ZNF732: variants seen among roughly 807,000 people sequenced by gnomAD.
ZNF732 encodes zinc finger protein 732, also known as zinc finger protein LOC654254.
In ZNF732, 12 loss-of-function variants were observed where a neutral mutation model predicts 11.5. The ratio of observed to expected loss-of-function variants is 1.05; its 90% CI spans 0.67 to 1.70. The LOEUF is 1.70. Ranked by LOEUF, ZNF732 falls within the 40% of genes most tolerant of loss-of-function variation. The probability of loss-of-function intolerance (pLI) is 0.00; values close to 1 mark genes in which losing one functional copy is unlikely to be tolerated. For missense variants in ZNF732, 702 were observed against 676.9 expected, an observed-to-expected ratio of 1.04 and a Z score of -0.41; for synonymous variants, 231 against 236.5, an observed-to-expected ratio of 0.98 and a Z score of 0.21.
chr4:287,663 G>C (rs1160705216), intron 3 of ZNF732, among the ~76,000 whole-genome samples: 1 of 150,472 alleles, frequency 6.6e-6, no homozygotes, highest in Non-Finnish European at 1.5e-5. Context: ...TTTTTTTTGA[G>C]ATGGAGTCTC....
At chr4:287,179 G>T (rs1410008171) in intron 3 of ZNF732, among the ~76,000 whole-genome samples, 1 of 151,498 alleles carries the variant, frequency 6.6e-6, no homozygotes, top group East Asian at 1.9e-4. Context: ...AAAAGCAGAA[G>T]CAAAATTGCC....
At position 291,010 on chromosome 4, in the gene ZNF732, T is replaced by C. The variant is rs144561548; in HGVS notation, c.226+4428A>G. Among the ~76,000 whole-genome samples the C allele has an allele frequency of 2.3e-3, 349 of 152,330 alleles. 3 individuals are homozygous for C. The highest frequency in any genetic ancestry group is 8.0e-3 in the African/African-American group (333 of 41,578). ...CAGCTGAGGCCCAGATCTACAAGCA[T>C]GCTTCCAGGACCACAGCTTCTATCT... On this transcript the variant is annotated intron_variant, in intron 3 of 3. Transcript: ENST00000419098.
Position 295,514 on chromosome 4 carries a change from TG to T in ZNF732, c.149del (p.Pro50GlnfsTer16), listed in dbSNP as rs1560163573. On this transcript the variant is annotated frameshift_variant, in exon 3 of 4. Coordinates refer to ENST00000419098, the MANE Select transcript of ZNF732 (RefSeq NM_001137608.3). LOFTEE classifies it high-confidence loss of function. ...TTTGCTCCAGATAGATGACCAGGTC[TG>T]GGTTAGAGATAGCAACACCTGTTTA... ...LISLGVAISN[P>X]DLVIYLEQRK... is the part of the protein sequence containing the mutation. The T allele has an allele frequency of 6.2e-7, 1 of 1,612,770 alleles. No individual in the cohort carries two copies. The highest frequency in any genetic ancestry group is 2.2e-5 in the East Asian group (1 of 44,858).
In ZNF732 at chr4:296,011, T is replaced by A; in HGVS notation, c.130+18A>T. 6.2e-7 allele frequency: 1 copy of A among 1,607,080 alleles called. No homozygotes were observed. Among genetic ancestry groups the A allele is most frequent in the Non-Finnish European group, 8.5e-7 (1 of 1,178,448 alleles). On this transcript the variant is annotated intron_variant, in intron 2 of 3. Coordinates refer to ENST00000419098, the MANE Select transcript of ZNF732 (RefSeq NM_001137608.3). ...CCCTGAGGGAGTATTAGGAATTATT[T>A]ACTGAAGTTATCCTCACCCAGGGAG...
chr4:287,415 A>G (rs1187508565), intron 3 of ZNF732, among the ~76,000 whole-genome samples: 3 of 151,472 alleles, frequency 2.0e-5, no homozygotes, highest in Admixed American at 6.6e-5. Context: ...GGGTTTCGCC[A>G]TGTTGGCCAG....
At chr4:299,310 C>T (rs1560164883) in intron 1 of ZNF732, among the ~76,000 whole-genome samples, 2 of 146,312 alleles carry the variant, frequency 1.4e-5, no homozygotes, top group African/African-American at 5.1e-5. Flanking sequence ...TAAAGGTGCC[C>T]TGAATATACG....
chr4:284,597 G>C (rs1719688243), intron 3 of ZNF732, among the ~76,000 whole-genome samples: 1 of 151,978 alleles, frequency 6.6e-6, no homozygotes, highest in African/African-American at 2.4e-5. Context: ...CAAATACTGG[G>C]TGCAGTGGCT....
intron 3 of ZNF732, among the ~76,000 whole-genome samples, chr4:289,569 A>G (rs151204434): frequency 0.013 from 1,975 of 152,372 alleles, 23 homozygotes; most frequent in Middle Eastern, 0.061. Context: ...TTCATAAAGC[A>G]AGCTTATTGT....
chr4:305,321 C>A lies in ZNF732; in HGVS notation c.-11G>T, dbSNP rs572151901. On this transcript the variant is annotated 5_prime_UTR_variant, in exon 1 of 4. Transcript: ENST00000419098. The stretch of plus-strand genomic sequence containing the variant: ...CCCCACACTCACCATTTCCCCACTT[C>A]AGGGGTGTAGCGGAGTCTCAGCTAC... The A allele has an allele frequency of 1.4e-5, 22 of 1,608,006 alleles. No individual in the cohort carries two copies. In the South Asian group the frequency reaches 1.4e-4, roughly 10 times the overall value.
At chr4:298,957 C>A (rs575690349) in intron 1 of ZNF732, among the ~76,000 whole-genome samples, 1 of 152,296 alleles carries the variant, frequency 6.6e-6, no homozygotes, top group Non-Finnish European at 1.5e-5. Flanking sequence ...TATCAGGTCA[C>A]TGGACAAGAT....
rs75049882 is a variant in ZNF732, at chr4:300,007, G to A, written c.4-3852C>T. On this transcript the variant is annotated intron_variant, in intron 1 of 3. Transcript: ENST00000419098. ...GCGTGAGCCACCATGCCCAGCTGAC[G>A]AGTATATTTTTAAAGGCAAAAAGGG... 7.3e-5 allele frequency among the ~76,000 whole-genome samples: 11 copies of A among 150,734 alleles called. No individual in the cohort carries two copies. The South Asian group carries it at 1.7e-3, about 23-fold the overall frequency.
At chr4:273,192 G>C (rs1719424685) in intron 3 of ZNF732, among the ~76,000 whole-genome samples, 1 of 152,006 alleles carries the variant, frequency 6.6e-6, no homozygotes, top group Admixed American at 6.6e-5. Flanking sequence ...AGACTCTTAA[G>C]AGGAAACATG....
intron 3 of ZNF732, among the ~76,000 whole-genome samples, chr4:294,338 C>A (rs1160454154): frequency 6.6e-6 from 1 of 152,174 alleles, no homozygotes. Flanking sequence ...TGCTTCACTT[C>A]GTTTCCAAGA....
At position 304,738 on chromosome 4, in the gene ZNF732, G is replaced by A. The variant is rs960283941; in HGVS notation, c.3+570C>T. On this transcript the variant is annotated intron_variant, in intron 1 of 3. Transcript: ENST00000419098. ...CCCACACCAGCGTATTCTAAAAGAT[G>A]CCACTCAGGAACAGCCACGCGGAGG... 5.9e-5 allele frequency among the ~76,000 whole-genome samples: 9 copies of A among 152,218 alleles called. No individual in the cohort carries two copies. The East Asian group carries it at 1.7e-3, about 29-fold the overall frequency.
At position 296,280 on chromosome 4, in the gene ZNF732, A is replaced by G. The variant is rs782452390; in HGVS notation, c.4-125T>C. 3.1e-6 allele frequency: 4 copies of G among 1,309,796 alleles called. No individual in the cohort carries two copies. The Admixed American group carries it at 1.1e-4, about 36-fold the overall frequency. 81.1% of individuals were successfully genotyped at this position (1,309,796 alleles called of 1,614,324 possible). A position where few individuals can be genotyped will look rare whatever the true frequency, so the allele number is the denominator to read the frequency against. ...TGATAAAATAACTTTCAACACAGTA[A>G]TGTTCTCTAAAGTATTCTATAGCTC... On this transcript the variant is annotated intron_variant, in intron 1 of 3. Transcript: ENST00000419098.
At chr4:301,556 G>A (rs374235749) in intron 1 of ZNF732, among the ~76,000 whole-genome samples, 18 of 152,202 alleles carry the variant, frequency 1.2e-4, no homozygotes, top group South Asian at 2.1e-4. Context: ...TGATGAGTTC[G>A]TGTCCTTTGT....
chr4:278,107 G>T (rs1553839043), intron 3 of ZNF732, among the ~76,000 whole-genome samples: 1 of 152,084 alleles, frequency 6.6e-6, no homozygotes, highest in African/African-American at 2.4e-5. Flanking sequence ...TACGTTAAGT[G>T]AAATAAAAGA....
rs190986044 is a variant in ZNF732, at chr4:298,106, A to G, written c.4-1951T>C. Among the ~76,000 whole-genome samples the G allele has an allele frequency of 3.3e-4, 50 of 152,354 alleles. 1 individual carries two copies. The highest frequency in any genetic ancestry group is 9.1e-4 in the African/African-American group (38 of 41,580). On this transcript the variant is annotated intron_variant, in intron 1 of 3. Transcript: ENST00000419098. ...TCTAGCACAATTATATTAGAAGCTA[A>G]ATATTTATTCTTAGCAAGGTAAAGA... is the stretch of plus-strand genomic sequence containing the variant.
At chr4:301,309 G>A (rs1720114070) in intron 1 of ZNF732, among the ~76,000 whole-genome samples, 2 of 152,200 alleles carry the variant, frequency 1.3e-5, no homozygotes, top group African/African-American at 4.8e-5. Flanking sequence ...AGACAGTGTG[G>A]CGATTCCTCA....
Sources: gnomAD v4.1 joint callset for allele counts (sites outside exome capture counted in the v4.1 genomes callset) on GRCh38, gnomAD v4.1.1 for gene constraint, MANE v1.5 for transcripts, NCBI Gene and HGNC (gene_info 2026-07-23, HGNC 2026-07-21) for gene names.